The following NRP1 variants were observed in gnomAD, a reference collection of about 807,000 sequenced individuals.
NRP1 encodes the protein neuropilin-1.
NRP1 carries 35 observed loss-of-function variants against 106.7 expected under a neutral mutation model. The ratio of observed to expected loss-of-function variants is 0.33; its 90% confidence interval spans 0.25 to 0.43. NRP1 has a LOEUF of 0.43. NRP1 is among the 20% of genes least tolerant of loss of function. The pLI is 1.00. For missense variants in NRP1, 1,024 were observed against 1,170.4 expected, an observed-to-expected ratio of 0.87 and a Z score of 1.83; for synonymous variants, 437 against 417.9, an observed-to-expected ratio of 1.05 and a Z score of -0.56.
chr10:33,259,962 C>T (rs776607087), intron 4 of NRP1, among the ~76,000 whole-genome samples: 3 of 152,150 alleles, frequency 2.0e-5, no homozygotes, highest in Non-Finnish European at 4.4e-5. Context: ...CCAAGTGATC[C>T]TCCCACTTCA....
At chr10:33,212,516 G>C (rs1678418466) in intron 9 of NRP1, 1 of 152,262 alleles carries the variant, frequency 6.6e-6, no homozygotes, top group Non-Finnish European at 1.5e-5. Flanking sequence ...GGGGCAGGGG[G>C]ACTGGGAGTT....
chr10:33,271,468 T>C (rs1377767715), intron 2 of NRP1, among the ~76,000 whole-genome samples: 1 of 152,208 alleles, frequency 6.6e-6, no homozygotes, highest in African/African-American at 2.4e-5. Flanking sequence ...GACACTTGGA[T>C]TCTAGAGCAT....
At chr10:33,326,348 A>G (rs1440376159) in intron 2 of NRP1, among the ~76,000 whole-genome samples, 1 of 152,110 alleles carries the variant, frequency 6.6e-6, no homozygotes, top group East Asian at 1.9e-4. Context: ...TGTGCAATGA[A>G]CATGTGTTTC....
intron 12 of NRP1, among the ~76,000 whole-genome samples, chr10:33,196,655 C>T (rs1836807484): frequency 6.6e-6 from 1 of 152,112 alleles, no homozygotes; most frequent in African/African-American, 2.4e-5. Context: ...CCTGAACATG[C>T]TACAGGGCAG....
chr10:33,284,214 G>A (rs906572386), intron 2 of NRP1, among the ~76,000 whole-genome samples: 1 of 152,134 alleles, frequency 6.6e-6, no homozygotes, highest in African/African-American at 2.4e-5. Flanking sequence ...CAGCAAAAAG[G>A]GGATTTGTTT....
intron 3 of NRP1, among the ~76,000 whole-genome samples, chr10:33,265,270 A>T (rs1353151380): frequency 6.6e-6 from 1 of 152,224 alleles, no homozygotes; most frequent in Non-Finnish European, 1.5e-5. Context: ...AGAAGTCTTT[A>T]TCCTTTTGAA....
At chr10:33,216,545 T>C (rs1588746610) in intron 8 of NRP1, among the ~76,000 whole-genome samples, 1 of 151,958 alleles carries the variant, frequency 6.6e-6, no homozygotes, top group African/African-American at 2.4e-5. Context: ...CCTTGAACTC[T>C]TGGCCTCAAG....
At chr10:33,332,032 A>G (rs1479134777) in intron 1 of NRP1, among the ~76,000 whole-genome samples, 1 of 152,220 alleles carries the variant, frequency 6.6e-6, no homozygotes, top group African/African-American at 2.4e-5. Context: ...ATGAATTTAT[A>G]AATCTACAGA....
intron 6 of NRP1, among the ~76,000 whole-genome samples, chr10:33,227,939 G>A (rs1175185788): frequency 6.6e-6 from 1 of 150,392 alleles, no homozygotes; most frequent in Non-Finnish European, 1.5e-5. Context: ...CTTTCATAAT[G>A]TGTTAGATGT....
intron 2 of NRP1, 62 bp from the exon 3 acceptor site, chr10:33,270,918 A>C: frequency 1.4e-6 from 2 of 1,394,332 alleles, no homozygotes; most frequent in African/African-American, 1.5e-5. Context: ...AATTTCAATA[A>C]TTTAGACACC....
chr10:33,315,852 C>T (rs1846994192), intron 2 of NRP1, among the ~76,000 whole-genome samples: 1 of 152,174 alleles, frequency 6.6e-6, no homozygotes, highest in Non-Finnish European at 1.5e-5. Context: ...CATTTACCCC[C>T]ACCACACCTG....
At chr10:33,285,031 C>T (rs778527093) in intron 2 of NRP1, among the ~76,000 whole-genome samples, 1 of 152,222 alleles carries the variant, frequency 6.6e-6, no homozygotes, top group Non-Finnish European at 1.5e-5. Flanking sequence ...GTTCTTTCTC[C>T]TATTCTGCCT....
chr10:33,274,218 T>C (rs1843520884), intron 2 of NRP1, among the ~76,000 whole-genome samples: 1 of 152,162 alleles, frequency 6.6e-6, no homozygotes, highest in African/African-American at 2.4e-5. Flanking sequence ...GTTGTTTTCA[T>C]GAGTGTCCCT....
chr10:33,277,111 TAA>T (rs547384604), intron 2 of NRP1, among the ~76,000 whole-genome samples: 14 of 125,220 alleles, frequency 1.1e-4, no homozygotes, highest in Admixed American at 2.4e-4. Context: ...TCTCTAAAAT[TAA>T]AAAAAAAAAA....
chr10:33,226,036 A>G (rs1290927803), intron 7 of NRP1, 98 bp downstream of exon 7: 2 of 1,357,240 alleles, frequency 1.5e-6, no homozygotes, highest in South Asian at 1.3e-5. Flanking sequence ...CAATTCAAAA[A>G]TAAACCAGGC....
At chr10:33,197,926 T>A (rs1836909677) in intron 11 of NRP1, among the ~76,000 whole-genome samples, 1 of 152,044 alleles carries the variant, frequency 6.6e-6, no homozygotes. Context: ...GCATTTCTTT[T>A]AAAAATTTAT....
intron 8 of NRP1, 160 bp from the exon 9 acceptor site, chr10:33,213,877 A>C: frequency 3.2e-6 from 2 of 621,514 alleles, no homozygotes; most frequent in South Asian, 2.3e-5. Context: ...CCTCCCTCAA[A>C]CCTTCCTCCT....
At chr10:33,251,708 C>G (rs531433027) in intron 6 of NRP1, among the ~76,000 whole-genome samples, 2 of 152,238 alleles carry the variant, frequency 1.3e-5, no homozygotes, top group South Asian at 4.1e-4. Context: ...GCCATGTAGT[C>G]TTAGTGTTTT....
intron 13 of NRP1, among the ~76,000 whole-genome samples, chr10:33,189,419 A>G (rs964790180): frequency 4.6e-5 from 7 of 152,162 alleles, no homozygotes; most frequent in Non-Finnish European, 8.8e-5. Context: ...CATCTTTTAC[A>G]TGGTCCATTG....
Sources: allele counts gnomAD v4.1 joint callset (sites outside exome capture counted in the v4.1 genomes callset), GRCh38; gene constraint gnomAD v4.1.1; transcripts MANE v1.5; gene names NCBI Gene and HGNC (gene_info 2026-07-23, HGNC 2026-07-21).